The following RELN variants were observed in gnomAD, a reference collection of about 807,000 sequenced individuals.
RELN encodes the protein reelin.
In RELN, 108 loss-of-function variants were observed where a neutral mutation model predicts 427.6. That is an observed-to-expected ratio of 0.25 (90% CI 0.22 to 0.30). The LOEUF (loss-of-function observed/expected upper bound fraction) is 0.30, where lower values mean the gene tolerates loss of function less well. RELN is among the 10% of genes least tolerant of loss of function. The probability of loss-of-function intolerance (pLI) is 1.00; values close to 1 mark genes in which losing one functional copy is unlikely to be tolerated. For missense variants in RELN, 3,715 were observed against 4,302.8 expected, an observed-to-expected ratio of 0.86 and a Z score of 3.82; for synonymous variants, 1,524 against 1,513.4, an observed-to-expected ratio of 1.01 and a Z score of -0.16.
chr7:103,766,139 TC>T (rs1791420166), intron 4 of RELN, among the ~76,000 whole-genome samples: 1 of 152,202 alleles, frequency 6.6e-6, no homozygotes. Context: ...TGAAGCAAGA[TC>T]GGGGGTTCCT....
At position 103,563,473 on chromosome 7, in the gene RELN, C is replaced by A. The variant is rs977521515; in HGVS notation, c.5211-1520G>T. Among the ~76,000 whole-genome samples, 1 of 152,006 alleles carries A rather than the reference C, an allele frequency of 6.6e-6. No homozygotes were observed. Among genetic ancestry groups the A allele is most frequent in the African/African-American group, 2.4e-5 (1 of 41,400 alleles). ...AAGAAAACATTTTTGTACAGCTGTA[C>A]AATGTGCTTGTGTTTTAAGCTGTTA... On this transcript the variant is annotated intron_variant, in intron 34 of 64. Coordinates refer to ENST00000428762, the MANE Select transcript of RELN (RefSeq NM_005045.4). This position sits in a 1 kb window ranked among gnomAD's most constrained non-coding sequence, Gnocchi z 4.1.
rs769784565 is a variant in RELN at position 103,545,243 on chromosome 7, A to G, written c.6404T>C (p.Met2135Thr). 10 of 1,613,818 alleles carry G rather than the reference A, an allele frequency of 6.2e-6. No individual in the cohort carries two copies. In the Admixed American group the frequency reaches 1.2e-4, roughly 19 times the overall value. ...NVYIGPQCEE[M>T]CNGQGSCING... The stretch of plus-strand genomic sequence containing the variant: ...GATACAGCTCCCCTGTCCATTACAC[A>G]TCTCCTCACACTGGGGACCGATGTA... The change falls in exon 42 of 65, where the codon ATG (methionine) becomes ACG (threonine). Residue 2135 changes from methionine (M) to threonine (T), a missense_variant. By Grantham distance (81) the Met-to-Thr change is moderately conservative. This residue lies in a region of RELN where 1,310 missense variants were observed against 1,643.0 expected (regional missense o/e 0.80). Coordinates refer to ENST00000428762, the MANE Select transcript of RELN (RefSeq NM_005045.4).
At chr7:103,796,896 A>G (rs1792314691) in intron 3 of RELN, among the ~76,000 whole-genome samples, 2 of 76,642 alleles carry the variant, frequency 2.6e-5, no homozygotes, top group Non-Finnish European at 4.9e-5. Flanking sequence ...AAAAAAAAAG[A>G]AAGAAAGAAA....
chr7:103,587,168 G>T (rs1831292914), intron 28 of RELN, among the ~76,000 whole-genome samples: 1 of 152,100 alleles, frequency 6.6e-6, no homozygotes, highest in Non-Finnish European at 1.5e-5. Context: ...CATGATACTG[G>T]TGTAAAAATA....
Position 103,989,368 on chromosome 7 carries a change from C to CGCCGCT in RELN, c.-13_-12insAGCGGC, listed in dbSNP as rs2116860903. The CGCCGCT allele has an allele frequency of 4.2e-6, 6 of 1,416,984 alleles. No homozygotes were observed. The highest frequency in any genetic ancestry group is 5.5e-6 in the Non-Finnish European group (6 of 1,085,964). 87.8% of individuals were successfully genotyped at this position (1,416,984 alleles called of 1,614,324 possible). A position where few individuals can be genotyped will look rare whatever the true frequency, so the allele number is the denominator to read the frequency against. On this transcript the variant is annotated 5_prime_UTR_variant, in exon 1 of 65. Transcript: ENST00000428762. The surrounding 1 kb of genome is among the most constrained non-coding windows in gnomAD (Gnocchi z 4.9). ...CCACTGCGCTCCATGCCGCCGCCGC[C>CGCCGCT]GCCGCCGCCGCCGCGCGCCCTACGC...
In RELN at chr7:103,486,378, A is replaced by G; in HGVS notation, c.9802T>C (p.Tyr3268His). The change falls in exon 61 of 65, where the codon TAT becomes CAT. Residue 3268 changes from tyrosine (Y) to histidine (H), a missense_variant. Physicochemically the swap from Tyr to His is moderately conservative, Grantham distance 83. This residue lies in a region of RELN where 195 missense variants were observed against 281.3 expected (regional missense o/e 0.69). Coordinates refer to ENST00000428762, the MANE Select transcript of RELN (RefSeq NM_005045.4). ...GCGGACTCAAAATTATCTTTAATATAACTGGGAAGGTCGTGACTGAAAACA... is the reference window on the plus strand; with the variant it reads ...GCGGACTCAAAATTATCTTTAATATGACTGGGAAGGTCGTGACTGAAAACA... ...CSVFSHDLPS[Y>H]IKDNFESARV... 5.0e-6 allele frequency: 8 copies of G among 1,614,186 alleles called. No homozygotes were observed. Among genetic ancestry groups the G allele is most frequent in the Non-Finnish European group, 5.9e-6 (7 of 1,180,022 alleles).
chr7:103,603,590 T>A lies in RELN; in HGVS notation c.3147-100A>T. 2 of 903,262 alleles carry A rather than the reference T, an allele frequency of 2.2e-6. No homozygotes were observed. The highest frequency in any genetic ancestry group is 1.3e-5 in the South Asian group (1 of 74,578). The allele number at this position is 903,262 out of a possible 1,614,324, so 56.0% of individuals were successfully genotyped here. Reference sequence around the variant, plus strand: ...TTCCCATGTCTTACTTTTGCTCAGGTCTTATCATTCACACTAGATTCTTCC... The same window carrying A: ...TTCCCATGTCTTACTTTTGCTCAGGACTTATCATTCACACTAGATTCTTCC... On this transcript the variant is annotated intron_variant, in intron 23 of 64. Coordinates refer to ENST00000428762, the MANE Select transcript of RELN (RefSeq NM_005045.4). This position sits in a 1 kb window ranked among gnomAD's most constrained non-coding sequence, Gnocchi z 4.3.
At chr7:103,700,334 T>A (rs988247592) in intron 9 of RELN, among the ~76,000 whole-genome samples, 4 of 152,164 alleles carry the variant, frequency 2.6e-5, no homozygotes, top group African/African-American at 9.6e-5. Context: ...AGTTTCTTCA[T>A]CCTCAAGCAT....
At chr7:103,885,182 A>T (rs1166673053) in intron 2 of RELN, among the ~76,000 whole-genome samples, 2 of 152,198 alleles carry the variant, frequency 1.3e-5, no homozygotes, top group East Asian at 3.9e-4. Context: ...TACTAAAAAT[A>T]CAAAAAGTTA....
chr7:103,510,744 C>T, intron 51 of RELN, 107 bp downstream of exon 51: 2 of 917,910 alleles, frequency 2.2e-6, no homozygotes, highest in Admixed American at 4.2e-5. Flanking sequence ...TTTTACTTTT[C>T]AAAGTATATA....
intron 3 of RELN, among the ~76,000 whole-genome samples, chr7:103,823,110 T>C (rs944986212): frequency 1.3e-5 from 2 of 152,046 alleles, no homozygotes; most frequent in Admixed American, 1.3e-4. Flanking sequence ...CTTTTATCCC[T>C]AATAATTTTT....
intron 2 of RELN, among the ~76,000 whole-genome samples, chr7:103,887,170 A>G (rs1794742028): frequency 6.6e-6 from 1 of 152,212 alleles, no homozygotes; most frequent in South Asian, 2.1e-4. Context: ...GAGCTGAAAT[A>G]GAGTTTGGGG....
intron 6 of RELN, among the ~76,000 whole-genome samples, chr7:103,742,970 C>A (rs1211648049): frequency 6.6e-6 from 1 of 151,370 alleles, no homozygotes; most frequent in Non-Finnish European, 1.5e-5. Context: ...TCAGATTCAC[C>A]AAAGTTGAAA....
chr7:103,903,694 A>G (rs1228199109), intron 2 of RELN, among the ~76,000 whole-genome samples: 1 of 152,050 alleles, frequency 6.6e-6, no homozygotes, highest in African/African-American at 2.4e-5. Flanking sequence ...TTTCCTATAT[A>G]TGATTTATAT....
intron 1 of RELN, among the ~76,000 whole-genome samples, chr7:103,964,651 CA>C: frequency 6.6e-6 from 1 of 152,234 alleles, no homozygotes; most frequent in South Asian, 2.1e-4. Context: ...TTTTATGATC[CA>C]AAATTTAAAG....
chr7:103,773,440 TC>T (rs1791655235), intron 4 of RELN, among the ~76,000 whole-genome samples: 2 of 140,742 alleles, frequency 1.4e-5, no homozygotes, highest in Admixed American at 1.4e-4. Context: ...TCTCTCTCTC[TC>T]TCTCCCTCGC....
chr7:103,833,457 A>G, intron 3 of RELN, 80 bp downstream of exon 3: 2 of 1,267,140 alleles, frequency 1.6e-6, no homozygotes, highest in South Asian at 2.4e-5. Flanking sequence ...AAACACTTAA[A>G]TAGTTACTCT....
At chr7:103,798,627 T>C (rs1792368826) in intron 3 of RELN, among the ~76,000 whole-genome samples, 1 of 152,176 alleles carries the variant, frequency 6.6e-6, no homozygotes, top group South Asian at 2.1e-4. Context: ...TTGTTCTCTA[T>C]AAATCTCCTC....
intron 1 of RELN, among the ~76,000 whole-genome samples, chr7:103,979,899 C>T (rs1003451377): frequency 2.0e-5 from 3 of 152,190 alleles, no homozygotes; most frequent in Non-Finnish European, 4.4e-5. Flanking sequence ...CGATGGCTCA[C>T]ACCTGTAATC....
Sources: allele counts gnomAD v4.1 joint callset (sites outside exome capture counted in the v4.1 genomes callset), GRCh38; gene constraint gnomAD v4.1.1; regional missense constraint gnomAD v4.1.1; non-coding constraint Gnocchi (gnomAD v3.1); transcripts MANE v1.5; gene names NCBI Gene and HGNC (gene_info 2026-07-23, HGNC 2026-07-21).